SNTB1: variants seen among roughly 807,000 people sequenced by gnomAD.
SNTB1 encodes beta-1-syntrophin.
Under a neutral mutation model 48.9 loss-of-function variants are expected in SNTB1, and 36 were observed. The observed-to-expected ratio is 0.74, with a 90% CI of 0.56 to 0.97. The LOEUF (loss-of-function observed/expected upper bound fraction) is 0.97, where lower values mean the gene tolerates loss of function less well. SNTB1 is among the 50% of genes least tolerant of loss of function. SNTB1 has a pLI of 0.00. For missense variants in SNTB1, 786 were observed against 703.4 expected, an observed-to-expected ratio of 1.12 and a Z score of -1.33; for synonymous variants, 299 against 294.6, an observed-to-expected ratio of 1.01 and a Z score of -0.15.
intron 3 of SNTB1, among the ~76,000 whole-genome samples, chr8:120,593,024 G>C (rs1399166511): frequency 1.3e-5 from 2 of 151,702 alleles, no homozygotes; most frequent in Non-Finnish European, 2.9e-5. Context: ...CTGTTAAAAA[G>C]AAAAAGGGAG....
At chr8:120,790,433 G>C (rs1401153121) in intron 1 of SNTB1, among the ~76,000 whole-genome samples, 1 of 151,892 alleles carries the variant, frequency 6.6e-6, no homozygotes, top group Non-Finnish European at 1.5e-5. Context: ...AATTGGAAAA[G>C]AGGAAGTCAA....
At chr8:120,688,189 A>G (rs993292539) in intron 2 of SNTB1, among the ~76,000 whole-genome samples, 1 of 152,216 alleles carries the variant, frequency 6.6e-6, no homozygotes, top group African/African-American at 2.4e-5. Flanking sequence ...GGACTCTGTT[A>G]CGTAGCAGTA....
In SNTB1 at chr8:120,637,092, T is replaced by C. The variant is rs549706760; in HGVS notation, c.789-4441A>G. On this transcript the variant is annotated intron_variant, in intron 2 of 6. Transcript: ENST00000517992. ...AGCTAAAGGAGAAGATGCAGGAGCA[T>C]TGGCCAGTGTTTGCAGGCTTGGAAG... 88 of 377,332 alleles carry C rather than the reference T, an allele frequency of 2.3e-4. 1 individual carries two copies. Among genetic ancestry groups the C allele is most frequent in the South Asian group, 1.8e-3 (64 of 35,694 alleles). 23.4% of individuals were successfully genotyped at this position (377,332 alleles called of 1,614,324 possible).
chr8:120,561,925 T>C (rs1815667280), intron 4 of SNTB1, among the ~76,000 whole-genome samples: 3 of 152,182 alleles, frequency 2.0e-5, no homozygotes, highest in African/African-American at 7.2e-5. Flanking sequence ...GCCTCCTGTC[T>C]GTGGAGCTGT....
At chr8:120,568,552 G>T (rs1815789934) in intron 4 of SNTB1, among the ~76,000 whole-genome samples, 1 of 152,208 alleles carries the variant, frequency 6.6e-6, no homozygotes, top group Admixed American at 6.5e-5. Context: ...GTGTTTCACA[G>T]ATAGGGATTC....
At chr8:120,547,737 C>G (rs756601018) in intron 5 of SNTB1, among the ~76,000 whole-genome samples, 1 of 152,102 alleles carries the variant, frequency 6.6e-6, no homozygotes, top group Non-Finnish European at 1.5e-5. Flanking sequence ...TTTCTACCAC[C>G]GACTTGCCCT....
chr8:120,656,933 G>A (rs778456581), intron 2 of SNTB1, among the ~76,000 whole-genome samples: 4 of 152,182 alleles, frequency 2.6e-5, no homozygotes, highest in Non-Finnish European at 4.4e-5. Context: ...AGGTGGCAGG[G>A]AAGAGAGAAG....
intron 3 of SNTB1, among the ~76,000 whole-genome samples, chr8:120,576,702 C>G (rs760617892): frequency 2.6e-5 from 4 of 152,186 alleles, no homozygotes; most frequent in African/African-American, 9.7e-5. Flanking sequence ...ACCCAGTTTA[C>G]TAGCTGTGGG....
rs567282217 is a variant in SNTB1, at chr8:120,676,184, G to A, written c.788+17508C>T. Among the ~76,000 whole-genome samples, 6 of 152,330 alleles carry A rather than the reference G, an allele frequency of 3.9e-5. No homozygotes were observed. The East Asian group carries it at 1.2e-3, about 29-fold the overall frequency. ...AGCATAAATTTGTTTGAAGTCTCAT[G>A]TTGTACTTTGTCATAAAATGAACTC... On this transcript the variant is annotated intron_variant, in intron 2 of 6. Coordinates refer to ENST00000517992, the MANE Select transcript of SNTB1 (RefSeq NM_021021.4).
Position 120,679,533 on chromosome 8 carries a change from A to G in SNTB1, c.788+14159T>C, listed in dbSNP as rs575072626. ...CTCTGAGCAAAATTAATTCCGGAAT[A>G]CTTCTTTTTCCTCATCCCTCCAAGC... On this transcript the variant is annotated intron_variant, in intron 2 of 6. Coordinates refer to ENST00000517992, the MANE Select transcript of SNTB1 (RefSeq NM_021021.4). Among the ~76,000 whole-genome samples the G allele has an allele frequency of 6.8e-4, 104 of 152,136 alleles. 1 individual carries two copies. Among genetic ancestry groups the G allele is most frequent in the Non-Finnish European group, 1.4e-3 (96 of 68,024 alleles).
chr8:120,643,990 G>C (rs1442916060), intron 2 of SNTB1, among the ~76,000 whole-genome samples: 2 of 152,124 alleles, frequency 1.3e-5, no homozygotes, highest in African/African-American at 2.4e-5. Context: ...ACAAGGAAGA[G>C]TACCAAAGCA....
chr8:120,569,173 G>A (rs1446883800), intron 4 of SNTB1, among the ~76,000 whole-genome samples: 1 of 152,122 alleles, frequency 6.6e-6, no homozygotes, highest in Non-Finnish European at 1.5e-5. Flanking sequence ...TAGAGACGGG[G>A]TTTCACCATG....
chr8:120,656,892 A>T (rs1587068016), intron 2 of SNTB1, among the ~76,000 whole-genome samples: 1 of 152,300 alleles, frequency 6.6e-6, no homozygotes. Context: ...AGAAAATAAA[A>T]CTGACAGGAT....
chr8:120,714,331 C>G (rs989734874), intron 1 of SNTB1, among the ~76,000 whole-genome samples: 1 of 152,144 alleles, frequency 6.6e-6, no homozygotes, highest in Admixed American at 6.5e-5. Context: ...GGTGACAATT[C>G]CAGCCAGCTG....
intron 3 of SNTB1, among the ~76,000 whole-genome samples, chr8:120,586,348 T>C (rs1439475821): frequency 1.3e-5 from 2 of 152,218 alleles, no homozygotes; most frequent in Non-Finnish European, 2.9e-5. Context: ...TGCTATCCTA[T>C]AGTGCTGGAA....
At chr8:120,688,036 C>A (rs1289559519) in intron 2 of SNTB1, among the ~76,000 whole-genome samples, 4 of 152,224 alleles carry the variant, frequency 2.6e-5, no homozygotes, top group Non-Finnish European at 5.9e-5. Flanking sequence ...AATCACAGTG[C>A]AGCCTAGCAC....
At chr8:120,810,163 C>CTAAAT (rs1469977111) in intron 1 of SNTB1, among the ~76,000 whole-genome samples, 1 of 152,160 alleles carries the variant, frequency 6.6e-6, no homozygotes, top group African/African-American at 2.4e-5. Context: ...AGACTCACCA[C>CTAAAT]TAAATAAAAG....
chr8:120,680,621 C>T (rs894557766), intron 2 of SNTB1, among the ~76,000 whole-genome samples: 4 of 152,180 alleles, frequency 2.6e-5, no homozygotes, highest in Admixed American at 1.3e-4. Flanking sequence ...CCCATTTCCA[C>T]TGTAGAATCT....
chr8:120,571,326 A>G (rs1439611711), intron 4 of SNTB1: 16 of 1,287,904 alleles, frequency 1.2e-5, no homozygotes, highest in Non-Finnish European at 1.6e-5. Flanking sequence ...CTGTTGCGGG[A>G]ATGTCTCAGA....
Sources: gnomAD v4.1 joint callset for allele counts (sites outside exome capture counted in the v4.1 genomes callset) on GRCh38, gnomAD v4.1.1 for gene constraint, MANE v1.5 for transcripts, NCBI Gene and HGNC (gene_info 2026-07-23, HGNC 2026-07-21) for gene names.